ARNT2: variants seen among roughly 807,000 people sequenced by gnomAD.
ARNT2 encodes aryl hydrocarbon receptor nuclear translocator 2, also known as ARNT protein 2.
In ARNT2, 36 loss-of-function variants were observed where a neutral mutation model predicts 91.7. The observed-to-expected ratio is 0.39, with a 90% confidence interval of 0.30 to 0.52. The LOEUF is 0.52. ARNT2 is among the 20% of genes least tolerant of loss of function. ARNT2 has a pLI of 0.72. For synonymous variants in ARNT2, 365 were observed against 347.1 expected (o/e 1.05, Z -0.57); for missense variants, 775 against 939.3 (o/e 0.83, Z 2.29).
rs1595959727 is a variant in ARNT2 at position 80,433,248 on chromosome 15, TTTTATTTTA to T, written c.32-17628_32-17620del. On this transcript the variant is annotated intron_variant, in intron 1 of 18. Transcript: ENST00000303329. ...ACTATATTTTATTTATTTTATTTTATTTTATTTTATTTTATTTTATTTTATTTTATTTTA... is the reference window on the plus strand; with the variant it reads ...ACTATATTTTATTTATTTTATTTTATTTTTATTTTATTTTATTTTATTTTA... Among the ~76,000 whole-genome samples the T allele has an allele frequency of 7.4e-5, 5 of 67,264 alleles. No homozygotes were observed. In the East Asian group the frequency reaches 6.6e-3, roughly 88 times the overall value. The allele number at this position is 67,264 out of a possible 152,430, so 44.1% of individuals were successfully genotyped here.
Position 80,553,447 on chromosome 15 carries a change from C to T in ARNT2, c.1089+673C>T, listed in dbSNP as rs114644831. ...TGATTTTCTTAGGTTTAGTATAGCA[C>T]ATGATAGCACATTGTCGTTTTGTAA... On this transcript the variant is annotated intron_variant, in intron 10 of 18. Coordinates refer to ENST00000303329, the MANE Select transcript of ARNT2 (RefSeq NM_014862.4). 2.8e-3 allele frequency among the ~76,000 whole-genome samples: 419 copies of T among 152,268 alleles called. 5 individuals carry two copies. The highest frequency in any genetic ancestry group is 9.6e-3 in the African/African-American group (398 of 41,562).
Position 80,591,653 on chromosome 15 carries a change from G to A in ARNT2, c.2004G>A (p.Gln668=). ...SQWQSQHHGQ[Q]SGEQHSHQQP... ...GGCAAAGCCAGCACCATGGCCAGCAGAGCGGTGAGCAGCACTCCCACCAGC... is the reference window on the plus strand; with the variant it reads ...GGCAAAGCCAGCACCATGGCCAGCAAAGCGGTGAGCAGCACTCCCACCAGC... Residue 668 remains glutamine (Q), a synonymous_variant, in exon 18 of 19, where the codon CAG becomes CAA. Coordinates refer to ENST00000303329, the MANE Select transcript of ARNT2 (RefSeq NM_014862.4). The surrounding 1 kb of genome is among the most constrained non-coding windows in gnomAD (Gnocchi z 5.1). 5.0e-6 allele frequency: 8 copies of A among 1,614,154 alleles called. No homozygotes were observed. The highest frequency in any genetic ancestry group is 6.8e-6 in the Non-Finnish European group (8 of 1,179,970).
intron 9 of ARNT2, among the ~76,000 whole-genome samples, chr15:80,551,876 G>T (rs1207832396): frequency 2.0e-5 from 3 of 152,268 alleles, no homozygotes; most frequent in Non-Finnish European, 2.9e-5. Context: ...TCTACCCTCA[G>T]TTACTCTTCT....
chr15:80,442,044 G>C (rs1379044024), intron 1 of ARNT2, among the ~76,000 whole-genome samples: 1 of 152,232 alleles, frequency 6.6e-6, no homozygotes, highest in Non-Finnish European at 1.5e-5. Flanking sequence ...TCAGGGATCT[G>C]AGCAGAGATC....
chr15:80,520,397 G>A (rs1032643665), intron 8 of ARNT2, among the ~76,000 whole-genome samples: 4 of 152,110 alleles, frequency 2.6e-5, no homozygotes, highest in African/African-American at 9.7e-5. Context: ...AGTAAATGTG[G>A]CAGAATGTTA....
intron 5 of ARNT2, among the ~76,000 whole-genome samples, chr15:80,477,628 G>A (rs1896826712): frequency 6.7e-6 from 1 of 148,438 alleles, no homozygotes; most frequent in African/African-American, 2.5e-5. Context: ...TCTCCTCTGT[G>A]TGCACGAATC....
At chr15:80,516,573 T>C (rs1405806315) in intron 8 of ARNT2, among the ~76,000 whole-genome samples, 3 of 151,970 alleles carry the variant, frequency 2.0e-5, no homozygotes, top group Non-Finnish European at 4.4e-5. Context: ...TTAAAGTTGG[T>C]TTCTTGTAAA....
At chr15:80,529,685 T>C (rs1440673041) in intron 8 of ARNT2, among the ~76,000 whole-genome samples, 1 of 152,188 alleles carries the variant, frequency 6.6e-6, no homozygotes, top group Non-Finnish European at 1.5e-5. Flanking sequence ...AATTTATCTA[T>C]GGTTTTTCAG....
At chr15:80,459,714 G>GT (rs1567185181) in intron 3 of ARNT2, among the ~76,000 whole-genome samples, 1 of 152,180 alleles carries the variant, frequency 6.6e-6, no homozygotes, top group African/African-American at 2.4e-5. Context: ...TCTCATGACC[G>GT]TGTCTGTGAG....
chr15:80,493,748 G>T (rs1391937727), intron 5 of ARNT2, among the ~76,000 whole-genome samples: 1 of 152,060 alleles, frequency 6.6e-6, no homozygotes, highest in Non-Finnish European at 1.5e-5. Flanking sequence ...GATATAGTTG[G>T]AATGGTTGTC....
intron 4 of ARNT2, 147 bp from the exon 5 acceptor site, chr15:80,474,863 C>A: frequency 2.3e-6 from 2 of 865,722 alleles, no homozygotes; most frequent in Non-Finnish European, 3.6e-6. Flanking sequence ...GCTTATTTTC[C>A]AGAAACAAAG....
In ARNT2 at chr15:80,513,974, C is replaced by A. The variant is rs757289185; in HGVS notation, c.789C>A (p.Phe263Leu). The A allele has an allele frequency of 6.2e-7, 1 of 1,612,152 alleles. No individual in the cohort carries two copies. Among genetic ancestry groups the A allele is most frequent in the South Asian group, 1.1e-5 (1 of 91,016 alleles). ...GAATAACCACCATGAGGAAAAGGTT[C>A]AGGTCAGTATCTCTTCCGATGTATA... is the stretch of plus-strand genomic sequence containing the variant. ...LNRITTMRKR[F>L]RNGLGPVKEG... The change falls in exon 7 of 19, where the codon TTC becomes TTA. Residue 263 changes from phenylalanine (F) to leucine (L), a missense_variant and splice_region_variant. Transcript: ENST00000303329.
chr15:80,533,839 T>C (rs1314250906), intron 8 of ARNT2, among the ~76,000 whole-genome samples: 1 of 152,252 alleles, frequency 6.6e-6, no homozygotes, highest in Non-Finnish European at 1.5e-5. Context: ...GGCCCACTTC[T>C]TTCTTTACTG....
chr15:80,490,687 C>T (rs1352038141), intron 5 of ARNT2, among the ~76,000 whole-genome samples: 1 of 152,246 alleles, frequency 6.6e-6, no homozygotes, highest in African/African-American at 2.4e-5. Context: ...AGGGCTTGGC[C>T]ACCAGGTCTT....
At chr15:80,463,653 A>G (rs1273358152) in intron 3 of ARNT2, among the ~76,000 whole-genome samples, 1 of 142,934 alleles carries the variant, frequency 7.0e-6, no homozygotes, top group Non-Finnish European at 1.5e-5. Context: ...GTCTCGGTTC[A>G]CTGCAATGTC....
At chr15:80,469,585 A>C (rs1896704861) in intron 3 of ARNT2, among the ~76,000 whole-genome samples, 1 of 151,668 alleles carries the variant, frequency 6.6e-6, no homozygotes, top group South Asian at 2.1e-4. Context: ...TAAACCACAT[A>C]TTGAGGCAGA....
intron 1 of ARNT2, among the ~76,000 whole-genome samples, chr15:80,445,979 A>G (rs1896296720): frequency 6.6e-6 from 1 of 151,990 alleles, no homozygotes; most frequent in Non-Finnish European, 1.5e-5. Context: ...CCATAGCAAA[A>G]TGACTCTAAG....
chr15:80,521,721 T>A (rs1222948485), intron 8 of ARNT2, among the ~76,000 whole-genome samples: 1 of 152,136 alleles, frequency 6.6e-6, no homozygotes, highest in African/African-American at 2.4e-5. Flanking sequence ...ATAAAACGTT[T>A]CGTAGAATGT....
chr15:80,470,335 C>T lies in ARNT2; in HGVS notation c.312C>T (p.Thr104=). 1.2e-6 allele frequency: 2 copies of T among 1,614,218 alleles called. No homozygotes were observed. The highest frequency in any genetic ancestry group is 2.7e-5 in the African/African-American group (2 of 75,050). Reference sequence around the variant, plus strand: ...TGGCTCGGAAGCCAGACAAGCTCACCATCCTCCGCATGGCCGTCTCGCACA... The same window carrying T: ...TGGCTCGGAAGCCAGACAAGCTCACTATCCTCCGCATGGCCGTCTCGCACA... The part of the protein sequence containing the change: ...SALARKPDKL[T]ILRMAVSHMK... Residue 104 remains threonine (T), a synonymous_variant, in exon 4 of 19, where the codon ACC becomes ACT. Coordinates refer to ENST00000303329, the MANE Select transcript of ARNT2 (RefSeq NM_014862.4).
Sources: gnomAD v4.1 joint callset for allele counts (sites outside exome capture counted in the v4.1 genomes callset) on GRCh38, gnomAD v4.1.1 for gene constraint, Gnocchi (gnomAD v3.1) non-coding constraint, MANE v1.5 for transcripts, NCBI Gene and HGNC (gene_info 2026-07-23, HGNC 2026-07-21) for gene names.